CENPE: variants seen among roughly 807,000 people sequenced by gnomAD.
CENPE encodes centromere protein E.
Under a neutral mutation model 336.1 loss-of-function variants are expected in CENPE, and 145 were observed. The observed-to-expected ratio is 0.43, with a 90% CI of 0.38 to 0.50. CENPE has a LOEUF of 0.50. Among genes scored for constraint, CENPE ranks in the 20% least tolerant of loss-of-function variants. The pLI, the probability that CENPE is intolerant of heterozygous loss-of-function variation, is 0.00. For synonymous variants in CENPE, 1,013 were observed against 984.8 expected, an observed-to-expected ratio of 1.03 and a Z score of -0.54; for missense variants, 2,719 against 3,023.3, an observed-to-expected ratio of 0.90 and a Z score of 2.36.
intron 38 of CENPE, among the ~76,000 whole-genome samples, chr4:103,139,383 C>G (rs1464102278): frequency 6.6e-6 from 1 of 151,908 alleles, no homozygotes; most frequent in Non-Finnish European, 1.5e-5. Context: ...ATTTATCTTC[C>G]CTTTTTTCCT....
At chr4:103,181,283 T>A in intron 12 of CENPE, 54 bp downstream of exon 12, 2 of 1,315,562 alleles carry the variant, frequency 1.5e-6, no homozygotes, top group Admixed American at 2.8e-5. Context: ...TTTGGGCAGG[T>A]CTCCATTCTA....
intron 46 of CENPE, among the ~76,000 whole-genome samples, chr4:103,113,718 T>C (rs1437025663): frequency 6.8e-6 from 1 of 147,552 alleles, no homozygotes; most frequent in Non-Finnish European, 1.5e-5. Context: ...TACTTATAAG[T>C]GTATATATAC....
intron 46 of CENPE, among the ~76,000 whole-genome samples, chr4:103,113,229 T>TAA (rs1426125101): frequency 7.4e-6 from 1 of 135,424 alleles, no homozygotes; most frequent in Admixed American, 7.8e-5. Flanking sequence ...TTTAAGTATA[T>TAA]GTGTATATAT....
Position 103,140,351 on chromosome 4 carries a change from C to T in CENPE, c.5818G>A (p.Val1940Ile). The change falls in exon 37 of 49, where the codon GTT becomes ATT. Residue 1940 changes from valine to isoleucine, a missense_variant. Val to Ile is a conservative substitution (Grantham distance 29, BLOSUM62 3). Transcript: ENST00000265148. ...GAAATTTTTTCTCTAAGTTTATCAACAGTTTCTTTGTGTTCTTTTGATAGC... is the reference window on the plus strand; with the variant it reads ...GAAATTTTTTCTCTAAGTTTATCAATAGTTTCTTTGTGTTCTTTTGATAGC... ...RMLSKEHKET[V>I]DKLREKISEK... The T allele has an allele frequency of 1.2e-6, 2 of 1,605,880 alleles. No individual in the cohort carries two copies. Among genetic ancestry groups the T allele is most frequent in the South Asian group, 1.1e-5 (1 of 89,836 alleles).
At chr4:103,159,735 A>C (rs116006296) in intron 21 of CENPE, among the ~76,000 whole-genome samples, 2,724 of 152,046 alleles carry the variant, frequency 0.018, 70 homozygotes, top group African/African-American at 0.059. Context: ...TAATTTAAGT[A>C]ATGTTTAATC....
At chr4:103,166,660 G>A (rs927241980) in intron 16 of CENPE, among the ~76,000 whole-genome samples, 2 of 152,154 alleles carry the variant, frequency 1.3e-5, no homozygotes, top group Admixed American at 6.5e-5. Flanking sequence ...GAGGAAAAAG[G>A]GTCATGGCCT....
chr4:103,144,595 T>G lies in CENPE; in HGVS notation c.4881A>C (p.Glu1627Asp). Reference protein sequence around the residue: ...VAKMKESQEKEYQFLKMTAVN... With the variant: ...VAKMKESQEKDYQFLKMTAVN... ...CAGCTGTCATCTTAAGAAACTGATA[T>G]TCTTTTTCTTGAGATTCTTTCATCT... Residue 1627 changes from glutamate (E) to aspartate (D), a missense_variant, in exon 33 of 49, where the codon GAA (glutamate) becomes GAC (aspartate). By Grantham distance (45) the Glu-to-Asp change is conservative. Transcript: ENST00000265148. 6.2e-7 allele frequency: 1 copy of G among 1,606,582 alleles called. No individual in the cohort carries two copies. The highest frequency in any genetic ancestry group is 1.1e-5 in the South Asian group (1 of 89,226).
At chr4:103,148,791 A>G (rs891038487) in intron 28 of CENPE, 53 bp downstream of exon 28, 22 of 1,507,752 alleles carry the variant, frequency 1.5e-5, no homozygotes, top group Non-Finnish European at 2.0e-5. Context: ...TCTTTCCTTC[A>G]AAGGAGAAAG....
At chr4:103,186,399 C>T (rs1174898138) in intron 8 of CENPE, among the ~76,000 whole-genome samples, 2 of 152,228 alleles carry the variant, frequency 1.3e-5, no homozygotes, top group African/African-American at 4.8e-5. Context: ...GCTCCTTGAA[C>T]TGCATAACCA....
intron 24 of CENPE, among the ~76,000 whole-genome samples, chr4:103,154,848 T>C (rs985678018): frequency 7.2e-5 from 11 of 152,210 alleles, no homozygotes; most frequent in Non-Finnish European, 7.3e-5. Context: ...TTAAAAATAC[T>C]GCATTTCCAG....
intron 19 of CENPE, 28 bp downstream of exon 19, chr4:103,161,307 T>G: frequency 6.2e-7 from 1 of 1,601,978 alleles, no homozygotes; most frequent in Non-Finnish European, 8.5e-7. Flanking sequence ...ACAACTACTT[T>G]ATTATAAATA....
intron 6 of CENPE, 30 bp downstream of exon 6, chr4:103,194,573 G>T: frequency 6.4e-7 from 1 of 1,555,214 alleles, no homozygotes; most frequent in Non-Finnish European, 8.8e-7. Flanking sequence ...TTTTACAAGT[G>T]TTCTAAAGAA....
chr4:103,151,366 G>A lies in CENPE; in HGVS notation c.3249C>T (p.Asn1083=). 6.4e-7 allele frequency: 1 copy of A among 1,574,462 alleles called. No homozygotes were observed. Among genetic ancestry groups the A allele is most frequent in the South Asian group, 1.2e-5 (1 of 83,020 alleles). ...LKENIEMTIE[N]QEELRLLGDE... ...CCCCAAGAAGTCTTAATTCTTCCTG[G>A]TTTTCAATGGTCTAGAAAGAAAAAA... The change falls in exon 26 of 49, where the codon AAC becomes AAT. Residue 1083 remains asparagine (N), a synonymous_variant. Transcript: ENST00000265148.
chr4:103,183,020 G>T, intron 10 of CENPE, 129 bp from the exon 11 acceptor site: 2 of 975,476 alleles, frequency 2.1e-6, no homozygotes, highest in Non-Finnish European at 2.9e-6. Context: ...ATATGAGGCA[G>T]ATTAAAACTA....
intron 12 of CENPE, 22 bp from the exon 13 acceptor site, chr4:103,180,491 T>C (rs746216266): frequency 1.3e-6 from 2 of 1,553,900 alleles, no homozygotes; most frequent in South Asian, 2.5e-5. Flanking sequence ...AATATTGGAT[T>C]ATGTTAATAA....
chr4:103,120,110 A>C, intron 44 of CENPE, 38 bp downstream of exon 44: 1 of 1,469,890 alleles, frequency 6.8e-7, no homozygotes, highest in Non-Finnish European at 9.3e-7. Flanking sequence ...TTAAACAAAC[A>C]AACAAACAAA....
Position 103,163,124 on chromosome 4 carries a change from G to A in CENPE, c.1842+13C>T, listed in dbSNP as rs765306571. 5.0e-6 allele frequency: 8 copies of A among 1,598,338 alleles called. No individual in the cohort carries two copies. The highest frequency in any genetic ancestry group is 4.5e-5 in the East Asian group (2 of 44,548). On this transcript the variant is annotated intron_variant, in intron 18 of 48. Transcript: ENST00000265148. ...TTTATGTGATTACACAACAAAATAC[G>A]CCTGATTTTTACCAATGAGTATGAC...
intron 43 of CENPE, 138 bp downstream of exon 43, chr4:103,122,733 G>T: frequency 1.6e-6 from 1 of 633,220 alleles, no homozygotes; most frequent in Middle Eastern, 3.9e-4. Flanking sequence ...AGCCATAGTA[G>T]AACTACTAGT....
At chr4:103,186,208 C>T (rs1258282798) in intron 8 of CENPE, among the ~76,000 whole-genome samples, 1 of 152,114 alleles carries the variant, frequency 6.6e-6, no homozygotes, top group African/African-American at 2.4e-5. Context: ...CTCACTATTC[C>T]CCAAACACCC....
Sources: gnomAD v4.1 joint callset for allele counts (sites outside exome capture counted in the v4.1 genomes callset) on GRCh38, gnomAD v4.1.1 for gene constraint, MANE v1.5 for transcripts, NCBI Gene and HGNC (gene_info 2026-07-23, HGNC 2026-07-21) for gene names.